HCRTR2: variants seen among roughly 807,000 people sequenced by gnomAD.
The protein encoded by HCRTR2 is orexin receptor type 2.
In HCRTR2, 22 loss-of-function variants were observed where a neutral mutation model predicts 49.0. The ratio of observed to expected loss-of-function variants is 0.45; its 90% CI spans 0.32 to 0.64. HCRTR2 has a LOEUF of 0.64. HCRTR2 is among the 30% of genes least tolerant of loss of function. The pLI is 0.04. For missense variants in HCRTR2, 491 were observed against 559.4 expected, an observed-to-expected ratio of 0.88 and a Z score of 1.23; for synonymous variants, 236 against 205.3, an observed-to-expected ratio of 1.15 and a Z score of -1.28.
rs540517588 is a variant in HCRTR2 at position 55,254,390 on chromosome 6, G to T, written c.403-746G>T. On this transcript the variant is annotated intron_variant, in intron 2 of 6. Coordinates refer to ENST00000370862, the MANE Select transcript of HCRTR2 (RefSeq NM_001384272.1). Reference sequence around the variant, plus strand: ...GATATATGAATTTTTAAAATTTTTTGTTGTTGTTATTTCCTTAAAGTGTCA... The same window carrying T: ...GATATATGAATTTTTAAAATTTTTTTTTGTTGTTATTTCCTTAAAGTGTCA... Among the ~76,000 whole-genome samples, 56 of 152,104 alleles carry T rather than the reference G, an allele frequency of 3.7e-4. 1 individual carries two copies. In the East Asian group the frequency reaches 8.9e-3, roughly 24 times the overall value.
chr6:55,177,903 A>G (rs1269504259), intron 1 of HCRTR2, among the ~76,000 whole-genome samples: 1 of 152,184 alleles, frequency 6.6e-6, no homozygotes, highest in Non-Finnish European at 1.5e-5. Flanking sequence ...AAAAGCTGTA[A>G]GCATGTTTAA....
intron 1 of HCRTR2, among the ~76,000 whole-genome samples, chr6:55,178,392 T>G (rs942811992): frequency 1.3e-5 from 2 of 152,172 alleles, no homozygotes; most frequent in Non-Finnish European, 2.9e-5. Flanking sequence ...GTTATTGAAC[T>G]ATCCAAGTCA....
intron 1 of HCRTR2, among the ~76,000 whole-genome samples, chr6:55,205,614 G>A (rs1765587104): frequency 1.3e-5 from 2 of 151,942 alleles, no homozygotes; most frequent in African/African-American, 4.8e-5. Context: ...CATTTATACT[G>A]ACAATTCCTT....
intron 1 of HCRTR2, among the ~76,000 whole-genome samples, chr6:55,205,717 G>A (rs1355950806): frequency 2.0e-5 from 3 of 151,990 alleles, no homozygotes; most frequent in African/African-American, 4.8e-5. Flanking sequence ...TTCTTGAGTT[G>A]GTTTTTTGTG....
chr6:55,144,563 G>A (rs1407686260), intron 1 of HCRTR2, among the ~76,000 whole-genome samples: 1 of 152,144 alleles, frequency 6.6e-6, no homozygotes, highest in Non-Finnish European at 1.5e-5. Context: ...GGAAAAGCTG[G>A]GGTTTGGTTT....
intron 1 of HCRTR2, among the ~76,000 whole-genome samples, chr6:55,124,933 CT>C (rs36014361): frequency 0.3 from 43,079 of 141,284 alleles, 6,681 homozygotes; most frequent in Non-Finnish European, 0.37. Context: ...CCAACTCCTG[CT>C]TTTTTTTTTT....
chr6:55,268,166 T>G (rs536733335), intron 4 of HCRTR2, among the ~76,000 whole-genome samples: 44 of 152,258 alleles, frequency 2.9e-4, no homozygotes, highest in Non-Finnish European at 1.2e-4. Context: ...TAATTCCTGG[T>G]GTAACCACTA....
At chr6:55,276,570 G>C (rs1035789460) in intron 4 of HCRTR2, among the ~76,000 whole-genome samples, 1 of 152,064 alleles carries the variant, frequency 6.6e-6, no homozygotes, top group African/African-American at 2.4e-5. Context: ...TTATTGTTCT[G>C]TTCACTAAAC....
intron 1 of HCRTR2, among the ~76,000 whole-genome samples, chr6:55,180,188 A>C (rs1348423084): frequency 6.6e-6 from 1 of 152,244 alleles, no homozygotes; most frequent in East Asian, 1.9e-4. Flanking sequence ...TTTACAAATA[A>C]GAAAAATGAA....
chr6:55,240,357 C>CAAAAA (rs1167981530), intron 1 of HCRTR2, among the ~76,000 whole-genome samples: 2 of 46,014 alleles, frequency 4.3e-5, no homozygotes, highest in Non-Finnish European at 7.5e-5. Flanking sequence ...GACTCCAGCT[C>CAAAAA]AAAAAAAAAA....
At chr6:55,226,018 G>A (rs1171658893) in intron 1 of HCRTR2, among the ~76,000 whole-genome samples, 5 of 152,198 alleles carry the variant, frequency 3.3e-5, no homozygotes, top group Non-Finnish European at 7.3e-5. Context: ...GGGCATCCCT[G>A]TGCAATGAGA....
At chr6:55,223,976 A>C (rs892493605) in intron 1 of HCRTR2, among the ~76,000 whole-genome samples, 2 of 152,194 alleles carry the variant, frequency 1.3e-5, no homozygotes, top group Non-Finnish European at 2.9e-5. Context: ...GTATTTCTAC[A>C]TGGGTGAATT....
At chr6:55,145,143 T>G (rs1221440124) in intron 1 of HCRTR2, among the ~76,000 whole-genome samples, 1 of 152,198 alleles carries the variant, frequency 6.6e-6, no homozygotes. Context: ...TTCTCATTCC[T>G]TGTTTTACTC....
intron 4 of HCRTR2, among the ~76,000 whole-genome samples, chr6:55,275,555 C>A (rs893828746): frequency 2.0e-5 from 2 of 102,242 alleles, no homozygotes; most frequent in South Asian, 3.7e-4. Context: ...GGCATCACTA[C>A]ATTTTTTTTT....
intron 1 of HCRTR2, among the ~76,000 whole-genome samples, chr6:55,119,850 C>G (rs1346803494): frequency 2.0e-5 from 3 of 152,026 alleles, no homozygotes; most frequent in African/African-American, 7.2e-5. Flanking sequence ...TTTCCCATGC[C>G]TATGTCCTGA....
At chr6:55,254,339 A>G (rs1334360161) in intron 2 of HCRTR2, among the ~76,000 whole-genome samples, 2 of 152,178 alleles carry the variant, frequency 1.3e-5, no homozygotes, top group Non-Finnish European at 2.9e-5. Flanking sequence ...AGCACATTGA[A>G]CATAATTACA....
intron 1 of HCRTR2, among the ~76,000 whole-genome samples, chr6:55,133,712 T>A (rs973997491): frequency 2.0e-5 from 3 of 151,702 alleles, no homozygotes; most frequent in Admixed American, 2.0e-4. Context: ...TATATCTCCA[T>A]CTAGGCATGT....
At chr6:55,121,164 T>C (rs1287372731) in intron 1 of HCRTR2, among the ~76,000 whole-genome samples, 1 of 152,140 alleles carries the variant, frequency 6.6e-6, no homozygotes, top group Non-Finnish European at 1.5e-5. Context: ...GCGTGGTTTG[T>C]AGTTCTCCTT....
chr6:55,206,352 T>C (rs979096810), intron 1 of HCRTR2, among the ~76,000 whole-genome samples: 16 of 152,070 alleles, frequency 1.1e-4, no homozygotes, highest in African/African-American at 2.2e-4. Context: ...AAAACAAAAA[T>C]ATGATTTCAC....
Sources: gnomAD v4.1 joint callset for allele counts (sites outside exome capture counted in the v4.1 genomes callset) on GRCh38, gnomAD v4.1.1 for gene constraint, MANE v1.5 for transcripts, NCBI Gene and HGNC (gene_info 2026-07-23, HGNC 2026-07-21) for gene names.